Variants in CLNK observed in about 807,000 individuals in gnomAD.
CLNK encodes the protein cytokine-dependent hematopoietic cell linker.
A neutral mutation model predicts 68.6 loss-of-function variants in CLNK; 74 were observed. That is an observed-to-expected ratio of 1.08 (90% CI 0.89 to 1.31). The LOEUF (loss-of-function observed/expected upper bound fraction) is 1.31, where lower values mean the gene tolerates loss of function less well. CLNK is among the 50% of genes most tolerant of loss of function. CLNK has a pLI of 0.00. For synonymous variants in CLNK, 198 were observed against 172.2 expected (o/e 1.15, Z -1.17); for missense variants, 553 against 515.3 (o/e 1.07, Z -0.71).
chr4:10,587,753 C>G (rs1216274129), intron 3 of CLNK, among the ~76,000 whole-genome samples: 1 of 152,146 alleles, frequency 6.6e-6, no homozygotes, highest in Non-Finnish European at 1.5e-5. Flanking sequence ...TACAACTTGC[C>G]CAATCCACAG....
At chr4:10,658,627 C>T (rs374467738) in intron 2 of CLNK, among the ~76,000 whole-genome samples, 1 of 152,190 alleles carries the variant, frequency 6.6e-6, no homozygotes, top group African/African-American at 2.4e-5. Flanking sequence ...CAGGGCTTCT[C>T]CGCAAGGCTT....
intron 8 of CLNK, among the ~76,000 whole-genome samples, chr4:10,546,729 A>C (rs1329757250): frequency 6.6e-6 from 1 of 152,096 alleles, no homozygotes; most frequent in Non-Finnish European, 1.5e-5. Flanking sequence ...CCACTTCTTG[A>C]CACCAATTTT....
intron 2 of CLNK, among the ~76,000 whole-genome samples, chr4:10,624,877 A>G (rs747049280): frequency 4.6e-5 from 7 of 152,106 alleles, no homozygotes; most frequent in Non-Finnish European, 8.8e-5. Flanking sequence ...TTACAGAAGG[A>G]GATGTCCGCC....
intron 1 of CLNK, among the ~76,000 whole-genome samples, chr4:10,675,054 T>A (rs772035723): frequency 5.9e-5 from 9 of 152,054 alleles, no homozygotes; most frequent in Non-Finnish European, 1.3e-4. Flanking sequence ...AAAACCTAGA[T>A]GATGGGTTGG....
At chr4:10,724,697 G>A in the CLNK span, among the ~76,000 whole-genome samples, 14 of 152,182 alleles carry the variant, frequency 9.2e-5, no homozygotes, top group South Asian at 4.2e-4. Context: ...TTTATTTTAC[G>A]GCAAACACTG....
intron 2 of CLNK, among the ~76,000 whole-genome samples, chr4:10,627,375 C>T (rs1722715524): frequency 6.6e-6 from 1 of 152,182 alleles, no homozygotes; most frequent in Admixed American, 6.5e-5. Context: ...GCCCTTTTCT[C>T]CCTCTGTTCT....
At chr4:10,626,679 A>G (rs1242549847) in intron 2 of CLNK, among the ~76,000 whole-genome samples, 2 of 152,260 alleles carry the variant, frequency 1.3e-5, no homozygotes, top group Non-Finnish European at 2.9e-5. Flanking sequence ...TACATGCATT[A>G]GGATATATGC....
At chr4:10,507,752 G>T (rs1717371319) in intron 17 of CLNK, among the ~76,000 whole-genome samples, 1 of 152,100 alleles carries the variant, frequency 6.6e-6, no homozygotes, top group Non-Finnish European at 1.5e-5. Context: ...AAGGTGCTAG[G>T]ATTACAGGTG....
chr4:10,629,226 C>T (rs940960648), intron 2 of CLNK, among the ~76,000 whole-genome samples: 9 of 152,150 alleles, frequency 5.9e-5, no homozygotes, highest in African/African-American at 2.2e-4. Context: ...TGTGTTTTCT[C>T]CAATTAATCT....
the CLNK span, chr4:10,697,211 T>C: frequency 6.6e-6 from 1 of 152,228 alleles, no homozygotes; most frequent in Non-Finnish European, 1.5e-5. Context: ...AGGGTTACCA[T>C]GGAGATTCAA....
chr4:10,591,111 T>A (rs1721163776), intron 3 of CLNK, among the ~76,000 whole-genome samples: 1 of 152,078 alleles, frequency 6.6e-6, no homozygotes, highest in Admixed American at 6.6e-5. Flanking sequence ...CAGTAGGGAA[T>A]CTGGAGGGAT....
chr4:10,529,968 C>T (rs1718471191), intron 12 of CLNK, among the ~76,000 whole-genome samples: 1 of 151,430 alleles, frequency 6.6e-6, no homozygotes, highest in South Asian at 2.1e-4. Context: ...CTTTTATTAC[C>T]TCTCTCCCTC....
chr4:10,537,674 T>TC (rs1718834440), intron 11 of CLNK, among the ~76,000 whole-genome samples: 1 of 46,862 alleles, frequency 2.1e-5, no homozygotes, highest in Non-Finnish European at 4.2e-5. Context: ...TTTCTTTCTT[T>TC]CTTTCTTCCT....
intron 8 of CLNK, among the ~76,000 whole-genome samples, chr4:10,557,871 G>A (rs1268211823): frequency 1.3e-5 from 2 of 152,108 alleles, no homozygotes; most frequent in Non-Finnish European, 2.9e-5. Context: ...GGGGCACGGG[G>A]GAAAATGATG....
chr4:10,584,822 A>G (rs1720912088), intron 4 of CLNK, 105 bp downstream of exon 4: 2 of 1,166,926 alleles, frequency 1.7e-6, no homozygotes, highest in Non-Finnish European at 2.5e-6. Context: ...CATTTCAAAT[A>G]GGCCATAGTT....
chr4:10,647,084 T>C (rs1466967860), intron 2 of CLNK, among the ~76,000 whole-genome samples: 48 of 152,192 alleles, frequency 3.2e-4, no homozygotes, highest in Admixed American at 3.1e-3. Context: ...TAGACTTTCA[T>C]ATACTCAGGG....
intron 12 of CLNK, chr4:10,531,791 AT>A (rs1283716452): frequency 1.1e-5 from 5 of 457,174 alleles, no homozygotes; most frequent in African/African-American, 2.0e-5. Context: ...GAGTAAGAGC[AT>A]TTTCTGAAGT....
intron 2 of CLNK, among the ~76,000 whole-genome samples, chr4:10,663,567 A>T (rs565341231): frequency 6.6e-6 from 1 of 152,306 alleles, no homozygotes; most frequent in Admixed American, 6.5e-5. Context: ...ATAAAAACAT[A>T]TGTGTGCATG....
rs1560196061 is a variant in CLNK at position 10,513,832 on chromosome 4, A to T, written c.773-235T>A. ...TCCCAGAGTCATCTTTTTTTTTTTA[A>T]ATTATTATTATTATTATTATTATTT... is the stretch of plus-strand genomic sequence containing the variant. On this transcript the variant is annotated intron_variant, in intron 15 of 18. Transcript: ENST00000226951. Among the ~76,000 whole-genome samples, 234 of 145,656 alleles carry T rather than the reference A, an allele frequency of 1.6e-3. 2 individuals carry two copies. The highest frequency in any genetic ancestry group is 5.6e-3 in the African/African-American group (223 of 39,920).
Sources: gnomAD v4.1 joint callset for allele counts (sites outside exome capture counted in the v4.1 genomes callset) on GRCh38, gnomAD v4.1.1 for gene constraint, MANE v1.5 for transcripts, NCBI Gene and HGNC (gene_info 2026-07-23, HGNC 2026-07-21) for gene names.